Variants in PRSS12 observed in about 807,000 individuals in gnomAD.
PRSS12 encodes serine protease 12.
PRSS12 carries 85 observed loss-of-function variants against 104.4 expected under a neutral mutation model. That is an observed-to-expected ratio of 0.81 (90% CI 0.68 to 0.98). PRSS12 has a LOEUF of 0.98. Ranked by LOEUF, PRSS12 falls within the 50% of genes least tolerant of loss-of-function variation. The pLI, the probability that PRSS12 is intolerant of heterozygous loss-of-function variation, is 0.00. For missense variants in PRSS12, 1,141 were observed against 1,139.2 expected (o/e 1.00, Z -0.02); for synonymous variants, 454 against 425.2 (o/e 1.07, Z -0.83).
chr4:118,299,945 C>T (rs1273579160), intron 8 of PRSS12, among the ~76,000 whole-genome samples: 10 of 148,172 alleles, frequency 6.7e-5, no homozygotes, highest in Admixed American at 1.3e-4. Flanking sequence ...CACGCCGTTG[C>T]GCTCCAGCCT....
chr4:118,346,935 T>G (rs1441597961), intron 1 of PRSS12, among the ~76,000 whole-genome samples: 2 of 152,094 alleles, frequency 1.3e-5, no homozygotes, highest in Non-Finnish European at 2.9e-5. Flanking sequence ...ACTGGTGTCT[T>G]AACACATAGG....
chr4:118,289,479 T>C (rs1405127050), intron 11 of PRSS12, among the ~76,000 whole-genome samples: 1 of 152,182 alleles, frequency 6.6e-6, no homozygotes, highest in Non-Finnish European at 1.5e-5. Flanking sequence ...ATAGGCCTTA[T>C]ATTAAACTAA....
rs533080373 is a variant in PRSS12 at position 118,290,435 on chromosome 4, G to C, written c.2039+4504C>G. ...GCTTAAATTCAAAGCCCCAAAATAG[G>C]CTTCTTCAAGTTCTTTGCAATTTTA... On this transcript the variant is annotated intron_variant, in intron 11 of 12. Transcript: ENST00000296498. Among the ~76,000 whole-genome samples the C allele has an allele frequency of 8.1e-4, 124 of 152,168 alleles. 1 individual carries two copies. The highest frequency in any genetic ancestry group is 3.4e-3 in the Middle Eastern group (1 of 294).
chr4:118,344,460 G>A lies in PRSS12; in HGVS notation c.503-6146C>T, dbSNP rs75531410. On this transcript the variant is annotated intron_variant, in intron 1 of 12. Transcript: ENST00000296498. ...TTTTCATCTATAATTATATTTACCTGTTAATTAAACCTGCTATATCTTTGC... is the reference window on the plus strand; with the variant it reads ...TTTTCATCTATAATTATATTTACCTATTAATTAAACCTGCTATATCTTTGC... Among the ~76,000 whole-genome samples the A allele has an allele frequency of 6.8e-3, 1,040 of 151,940 alleles. 13 individuals are homozygous for A. The highest frequency in any genetic ancestry group is 0.023 in the African/African-American group (950 of 41,446).
intron 4 of PRSS12, among the ~76,000 whole-genome samples, chr4:118,330,254 A>G (rs1402392828): frequency 1.3e-5 from 2 of 152,298 alleles, no homozygotes; most frequent in Middle Eastern, 3.4e-3. Flanking sequence ...GGAAAACTAG[A>G]GCTTTTCATG....
chr4:118,336,578 G>T (rs1724069725), intron 2 of PRSS12, among the ~76,000 whole-genome samples: 1 of 151,776 alleles, frequency 6.6e-6, no homozygotes, highest in African/African-American at 2.4e-5. Flanking sequence ...TTTTTAAATG[G>T]ACTACTGAGA....
At chr4:118,319,841 G>T (rs1215887129) in intron 4 of PRSS12, among the ~76,000 whole-genome samples, 1 of 151,756 alleles carries the variant, frequency 6.6e-6, no homozygotes, top group African/African-American at 2.4e-5. Flanking sequence ...CCGTGCCAGT[G>T]AATGTTTTAT....
At chr4:118,289,432 A>G (rs1363323532) in intron 11 of PRSS12, among the ~76,000 whole-genome samples, 1 of 152,140 alleles carries the variant, frequency 6.6e-6, no homozygotes, top group Non-Finnish European at 1.5e-5. Flanking sequence ...GGTGAGGGGA[A>G]GCTAATTTCA....
rs568541644 is a variant in PRSS12, at chr4:118,352,346, C to G, written c.375G>C (p.Ala125=). The G allele has an allele frequency of 2.5e-6, 4 of 1,575,830 alleles. No homozygotes were observed. The highest frequency in any genetic ancestry group is 3.4e-6 in the Non-Finnish European group (4 of 1,166,244). The change falls in exon 1 of 13, where the codon GCG becomes GCC. Residue 125 remains alanine (A), a synonymous_variant. Transcript: ENST00000296498. ...GCTGTCCTCGCAGCTGAGCCCAGCT[C>G]GCTGGGGGCGACCGCTCCAGGAAGG... ...VPPFLERSPP[A]SWAQLRGQRH...
intron 1 of PRSS12, among the ~76,000 whole-genome samples, chr4:118,345,382 A>G (rs1724332097): frequency 6.6e-6 from 1 of 152,146 alleles, no homozygotes; most frequent in Admixed American, 6.5e-5. Context: ...AAGATGCTAA[A>G]GGGGCAAAAA....
intron 8 of PRSS12, among the ~76,000 whole-genome samples, chr4:118,305,136 C>CATATAT: frequency 6.7e-6 from 1 of 148,286 alleles, no homozygotes; most frequent in South Asian, 2.1e-4. Flanking sequence ...CACACACACA[C>CATATAT]ATATATATAT....
intron 8 of PRSS12, among the ~76,000 whole-genome samples, chr4:118,299,741 TA>T (rs1560768255): frequency 2.7e-4 from 17 of 61,956 alleles, no homozygotes; most frequent in African/African-American, 6.8e-4. Context: ...TAAAATAAAA[TA>T]AAATAAATAA....
chr4:118,301,396 C>G (rs1743403531), intron 8 of PRSS12, among the ~76,000 whole-genome samples: 1 of 152,032 alleles, frequency 6.6e-6, no homozygotes, highest in Non-Finnish European at 1.5e-5. Flanking sequence ...AAAATGATTT[C>G]AATCTAAAAC....
intron 3 of PRSS12, among the ~76,000 whole-genome samples, chr4:118,333,177 G>A (rs1437254541): frequency 6.6e-6 from 1 of 152,124 alleles, no homozygotes; most frequent in Non-Finnish European, 1.5e-5. Flanking sequence ...GAATGTGTCT[G>A]GCAAAGAGTA....
chr4:118,333,922 T>C (rs894716707), intron 3 of PRSS12, among the ~76,000 whole-genome samples: 55 of 152,344 alleles, frequency 3.6e-4, no homozygotes, highest in African/African-American at 1.2e-3. Flanking sequence ...ATTTAGCTTA[T>C]AGATAATTAA....
At chr4:118,309,353 G>T (rs1207524310) in intron 7 of PRSS12, among the ~76,000 whole-genome samples, 2 of 152,182 alleles carry the variant, frequency 1.3e-5, no homozygotes, top group African/African-American at 4.8e-5. Context: ...TCATTAGGGT[G>T]AGCCCTAATC....
chr4:118,318,946 T>G (rs1033743092), intron 4 of PRSS12, among the ~76,000 whole-genome samples: 2 of 152,220 alleles, frequency 1.3e-5, no homozygotes, highest in African/African-American at 4.8e-5. Flanking sequence ...TTTTGGTTTA[T>G]AGTGCATTAA....
chr4:118,333,227 T>TA lies in PRSS12; in HGVS notation c.821-1362dup, dbSNP rs142496629. On this transcript the variant is annotated intron_variant, in intron 3 of 12. Coordinates refer to ENST00000296498, the MANE Select transcript of PRSS12 (RefSeq NM_003619.4). The stretch of plus-strand genomic sequence containing the variant: ...TACTAGAATAAAGGACGTAATATGG[T>TA]AAAAATTAACAGGTTGGTCCTCTAA... 5.4e-3 allele frequency among the ~76,000 whole-genome samples: 818 copies of TA among 152,330 alleles called. 8 individuals carry two copies. The highest frequency in any genetic ancestry group is 0.018 in the African/African-American group (754 of 41,578).
chr4:118,318,685 G>A, intron 4 of PRSS12, 129 bp from the exon 5 acceptor site: 1 of 923,012 alleles, frequency 1.1e-6, no homozygotes, highest in Non-Finnish European at 1.7e-6. Flanking sequence ...GGTCATGCAT[G>A]ACTTTCTGTA....
Sources: allele counts gnomAD v4.1 joint callset (sites outside exome capture counted in the v4.1 genomes callset), GRCh38; gene constraint gnomAD v4.1.1; transcripts MANE v1.5; gene names NCBI Gene and HGNC (gene_info 2026-07-23, HGNC 2026-07-21).